PPP3CB: variants seen among roughly 807,000 people sequenced by gnomAD.
The protein encoded by PPP3CB is serine/threonine-protein phosphatase 2B catalytic subunit beta isoform.
In PPP3CB, 8 loss-of-function variants were observed where a neutral mutation model predicts 66.4. The observed-to-expected ratio is 0.12, with a 90% confidence interval of 0.07 to 0.22. The LOEUF (loss-of-function observed/expected upper bound fraction) is 0.22, where lower values mean the gene tolerates loss of function less well. Ranked by LOEUF, PPP3CB falls within the 10% of genes least tolerant of loss-of-function variation. PPP3CB has a pLI of 1.00. For synonymous variants in PPP3CB, 208 were observed against 221.2 expected (o/e 0.94, Z 0.53); for missense variants, 319 against 642.5 (o/e 0.50, Z 5.44).
chr10:73,446,463 A>C, intron 11 of PPP3CB, 29 bp downstream of exon 11: 1 of 1,590,634 alleles, frequency 6.3e-7, no homozygotes, highest in South Asian at 1.1e-5. Flanking sequence ...ATTTCTGCAA[A>C]ACAAATAATC....
rs191586736 is a variant in PPP3CB at position 73,475,836 on chromosome 10, T to C, written c.412-806A>G. Among the ~76,000 whole-genome samples the C allele has an allele frequency of 7.8e-4, 119 of 152,318 alleles. No homozygotes were observed. The East Asian group carries it at 0.011, about 14-fold the overall frequency. On this transcript the variant is annotated intron_variant, in intron 3 of 13. Transcript: ENST00000360663. ...GATATGGAAATAAGCATGGTTTATA[T>C]AATCATATGCAAAAAGAAAAAACAA...
intron 9 of PPP3CB, among the ~76,000 whole-genome samples, chr10:73,457,962 G>T (rs2056457839): frequency 6.6e-6 from 1 of 152,082 alleles, no homozygotes; most frequent in African/African-American, 2.4e-5. Context: ...AGACAAAGGA[G>T]ACTTGGAAGG....
chr10:73,484,846 G>C (rs1477299723), intron 1 of PPP3CB, among the ~76,000 whole-genome samples: 1 of 152,010 alleles, frequency 6.6e-6, no homozygotes, highest in Non-Finnish European at 1.5e-5. Flanking sequence ...GAGGTCAGGA[G>C]GTCAAGACCA....
chr10:73,468,304 T>C (rs1378144416), intron 8 of PPP3CB, among the ~76,000 whole-genome samples: 1 of 152,156 alleles, frequency 6.6e-6, no homozygotes, highest in Non-Finnish European at 1.5e-5. Context: ...AATCCAGAGA[T>C]AACATTTTCA....
rs140163073 is a variant in PPP3CB at position 73,442,596 on chromosome 10, T to C, written c.1366+2129A>G. Among the ~76,000 whole-genome samples, 57 of 152,328 alleles carry C rather than the reference T, an allele frequency of 3.7e-4. 1 individual carries two copies. In the East Asian group the frequency reaches 0.011, roughly 28 times the overall value. ...TAACATTTTTACTAGTTTTATCAAA[T>C]GTTTAAGATCTTGTTTTAATGTACA... On this transcript the variant is annotated intron_variant, in intron 12 of 13. Coordinates refer to ENST00000360663, the MANE Select transcript of PPP3CB (RefSeq NM_021132.4).
Position 73,495,972 on chromosome 10 carries a change from C to T in PPP3CB, c.-83G>A, listed in dbSNP as rs2057223917. The T allele has an allele frequency of 6.8e-6, 6 of 886,958 alleles. No homozygotes were observed. The highest frequency in any genetic ancestry group is 8.8e-6 in the Non-Finnish European group (6 of 682,306). 54.9% of individuals were successfully genotyped at this position (886,958 alleles called of 1,614,324 possible). ...GGCTACCAGAGCCAAGCGGCGGCGC[C>T]GCCGGGGAACATGGCGGACCCTCTT... On this transcript the variant is annotated 5_prime_UTR_variant, in exon 1 of 14. Coordinates refer to ENST00000360663, the MANE Select transcript of PPP3CB (RefSeq NM_021132.4).
intron 1 of PPP3CB, among the ~76,000 whole-genome samples, chr10:73,492,678 CAG>C (rs896432942): frequency 1.6e-4 from 24 of 152,070 alleles, no homozygotes; most frequent in Admixed American, 6.6e-5. Context: ...AACTTTCAAA[CAG>C]GGGAAGAATT....
In PPP3CB at chr10:73,454,403, T is replaced by A; in HGVS notation, c.1186+9A>T. 1 of 1,590,186 alleles carries A rather than the reference T, an allele frequency of 6.3e-7. No individual in the cohort carries two copies. Among genetic ancestry groups the A allele is most frequent in the Non-Finnish European group, 8.6e-7 (1 of 1,160,074 alleles). On this transcript the variant is annotated intron_variant, in intron 10 of 13. Coordinates refer to ENST00000360663, the MANE Select transcript of PPP3CB (RefSeq NM_021132.4). ...GTAAAAAAAAAAATAGTAAGATGAA[T>A]AATCATACCATCAAACTGGTCTTCA...
At chr10:73,452,226 C>T (rs1284640467) in intron 10 of PPP3CB, among the ~76,000 whole-genome samples, 2 of 152,178 alleles carry the variant, frequency 1.3e-5, no homozygotes, top group African/African-American at 2.4e-5. Flanking sequence ...ATCTCAATAC[C>T]TACAACATTA....
At chr10:73,466,738 A>G (rs140161681) in intron 9 of PPP3CB, among the ~76,000 whole-genome samples, 8 of 152,328 alleles carry the variant, frequency 5.3e-5, no homozygotes, top group African/African-American at 1.9e-4. Flanking sequence ...CGTATCTCAT[A>G]CAGAAAGGAA....
chr10:73,488,789 T>G (rs1373558443), intron 1 of PPP3CB, among the ~76,000 whole-genome samples: 2 of 152,144 alleles, frequency 1.3e-5, no homozygotes, highest in East Asian at 3.9e-4. Context: ...GTATCACCAT[T>G]CTCTATCACT....
chr10:73,443,051 T>G (rs1392415280), intron 12 of PPP3CB, among the ~76,000 whole-genome samples: 1 of 150,936 alleles, frequency 6.6e-6, no homozygotes, highest in South Asian at 2.1e-4. Flanking sequence ...ATAAAAAAAA[T>G]TAGCTGGCTG....
In PPP3CB at chr10:73,436,712, C is replaced by T. The variant is rs781621148; in HGVS notation, c.*1530G>A. ...CATGAACTATCCACGAGATAATCTC[C>T]GGAGGACATCCCAGCTCTAGTAACA... On this transcript the variant is annotated 3_prime_UTR_variant, in exon 14 of 14. Coordinates refer to ENST00000360663, the MANE Select transcript of PPP3CB (RefSeq NM_021132.4). 6 of 151,992 alleles carry T rather than the reference C, an allele frequency of 3.9e-5. No homozygotes were observed. Among genetic ancestry groups the T allele is most frequent in the Admixed American group, 3.9e-4 (6 of 15,240 alleles). 9.4% of individuals were successfully genotyped at this position (151,992 alleles called of 1,614,324 possible). A position where few individuals can be genotyped will look rare whatever the true frequency, so the allele number is the denominator to read the frequency against.
intron 10 of PPP3CB, among the ~76,000 whole-genome samples, chr10:73,450,549 C>G (rs541374684): frequency 1.3e-5 from 2 of 152,274 alleles, no homozygotes; most frequent in East Asian, 3.9e-4. Context: ...CTAAAACTTT[C>G]TTAGAGTCCC....
At chr10:73,474,074 C>T (rs2056746666) in intron 4 of PPP3CB, among the ~76,000 whole-genome samples, 1 of 151,920 alleles carries the variant, frequency 6.6e-6, no homozygotes, top group African/African-American at 2.4e-5. Flanking sequence ...CAGAGTTTCG[C>T]TCTTGTTGCC....
chr10:73,453,571 T>C (rs193237256), intron 10 of PPP3CB, among the ~76,000 whole-genome samples: 48 of 152,302 alleles, frequency 3.2e-4, no homozygotes, highest in Non-Finnish European at 1.3e-4. Context: ...CCAAACATTA[T>C]AGTTTATCAA....
chr10:73,452,095 A>C (rs1238175626), intron 10 of PPP3CB, among the ~76,000 whole-genome samples: 2 of 152,184 alleles, frequency 1.3e-5, no homozygotes, highest in East Asian at 1.9e-4. Context: ...CCCTAGATTC[A>C]GATATAGAAT....
intron 12 of PPP3CB, chr10:73,444,294 G>A (rs2056210832): frequency 3.3e-6 from 1 of 306,436 alleles, no homozygotes; most frequent in African/African-American, 2.2e-5. Context: ...TTAAATATAA[G>A]CATAGTCCAA....
At chr10:73,444,534 T>C (rs2056214406) in intron 12 of PPP3CB, 191 bp downstream of exon 12, 1 of 1,514,774 alleles carries the variant, frequency 6.6e-7, no homozygotes, top group Admixed American at 2.0e-5. Context: ...GGAATACCCA[T>C]TCTATCAGTT....
Sources: gnomAD v4.1 joint callset for allele counts (sites outside exome capture counted in the v4.1 genomes callset) on GRCh38, gnomAD v4.1.1 for gene constraint, MANE v1.5 for transcripts, NCBI Gene and HGNC (gene_info 2026-07-23, HGNC 2026-07-21) for gene names.